The following BNC2 variants were observed in gnomAD, a reference collection of about 807,000 sequenced individuals.
BNC2 encodes the protein zinc finger protein basonuclin-2.
In BNC2, 20 loss-of-function variants were observed where a neutral mutation model predicts 76.3. The observed-to-expected ratio is 0.26, with a 90% CI of 0.18 to 0.38. The LOEUF is 0.38. Ranked by LOEUF, BNC2 falls within the 10% of genes least tolerant of loss-of-function variation. BNC2 has a pLI of 1.00. For synonymous variants in BNC2, 582 were observed against 514.8 expected (o/e 1.13, Z -1.77); for missense variants, 1,382 against 1,399.8 (o/e 0.99, Z 0.20).
At chr9:16,759,797 C>A (rs2135370141) in intron 1 of BNC2, among the ~76,000 whole-genome samples, 1 of 151,578 alleles carries the variant, frequency 6.6e-6, no homozygotes, top group South Asian at 2.1e-4. Flanking sequence ...CATCCCGGCT[C>A]ACTGCCTGCT....
chr9:16,841,477 T>A (rs1456343496), intron 1 of BNC2, among the ~76,000 whole-genome samples: 2 of 152,180 alleles, frequency 1.3e-5, no homozygotes. Flanking sequence ...TTCCTCAAAA[T>A]GTAGATATCC....
At chr9:16,490,679 C>G (rs1822259092) in intron 5 of BNC2, among the ~76,000 whole-genome samples, 1 of 152,164 alleles carries the variant, frequency 6.6e-6, no homozygotes, top group South Asian at 2.1e-4. Context: ...TTTCCTCAAT[C>G]AGGTCTTTCA....
intron 4 of BNC2, among the ~76,000 whole-genome samples, chr9:16,553,786 C>G (rs1818737441): frequency 1.3e-5 from 2 of 152,192 alleles, no homozygotes; most frequent in African/African-American, 4.8e-5. Flanking sequence ...TGAGTTACTG[C>G]ACACCCTATT....
At chr9:16,527,716 G>A (rs747176312) in intron 5 of BNC2, among the ~76,000 whole-genome samples, 7 of 152,128 alleles carry the variant, frequency 4.6e-5, no homozygotes, top group Non-Finnish European at 8.8e-5. Flanking sequence ...ATTTATAAGC[G>A]AATAGTTAAC....
At chr9:16,449,778 C>A (rs80252125) in intron 5 of BNC2, among the ~76,000 whole-genome samples, 2,756 of 121,014 alleles carry the variant, frequency 0.023, 41 homozygotes, top group Non-Finnish European at 0.031. Context: ...AGTGGAATCA[C>A]AACAATGGAA....
rs551967855 is a variant in BNC2, at chr9:16,789,331, A to C, written c.4-50846T>G. Among the ~76,000 whole-genome samples, 25 of 152,142 alleles carry C rather than the reference A, an allele frequency of 1.6e-4. 1 individual carries two copies. The highest frequency in any genetic ancestry group is 1.6e-3 in the Admixed American group (25 of 15,276). On this transcript the variant is annotated intron_variant, in intron 1 of 6. Coordinates refer to ENST00000380672, the MANE Select transcript of BNC2 (RefSeq NM_017637.6). ...GGCACTTATATCAAACACACCAAAC[A>C]ATACAATAAAATGGGTCCATTTTAC...
At position 16,574,760 on chromosome 9, in the gene BNC2, A is replaced by G. The variant is rs149728085; in HGVS notation, c.433+8223T>C. ...AGCAATAACAATACTAGCTCCTAAA[A>G]TTGTTGTGCCAGAATATTGGGCTAA... On this transcript the variant is annotated intron_variant, in intron 4 of 6. Coordinates refer to ENST00000380672, the MANE Select transcript of BNC2 (RefSeq NM_017637.6). Among the ~76,000 whole-genome samples, 1,111 of 152,304 alleles carry G rather than the reference A, an allele frequency of 7.3e-3. 15 individuals carry two copies. The highest frequency in any genetic ancestry group is 0.026 in the African/African-American group (1,068 of 41,576).
chr9:16,740,283 T>C (rs539804075), intron 1 of BNC2, among the ~76,000 whole-genome samples: 1 of 152,238 alleles, frequency 6.6e-6, no homozygotes, highest in Admixed American at 6.5e-5. Context: ...GAATAATAAA[T>C]ACCAAAATCA....
At chr9:16,700,315 G>A (rs921394230) in intron 3 of BNC2, among the ~76,000 whole-genome samples, 4 of 152,172 alleles carry the variant, frequency 2.6e-5, no homozygotes, top group East Asian at 1.9e-4. Context: ...TTGGGAAGCC[G>A]AGGGAGGAGG....
At chr9:16,422,786 AAAG>A (rs1158319906) in intron 6 of BNC2, among the ~76,000 whole-genome samples, 2 of 152,240 alleles carry the variant, frequency 1.3e-5, no homozygotes, top group African/African-American at 2.4e-5. Context: ...TTCAGTCTCC[AAAG>A]AAGGGACAAA....
chr9:16,445,083 C>A (rs1821204223), intron 5 of BNC2, among the ~76,000 whole-genome samples: 1 of 151,878 alleles, frequency 6.6e-6, no homozygotes, highest in Admixed American at 6.6e-5. Flanking sequence ...TAAAAATGGC[C>A]ACACAAAAAA....
At chr9:16,754,912 T>C (rs1467112189) in intron 1 of BNC2, among the ~76,000 whole-genome samples, 1 of 152,190 alleles carries the variant, frequency 6.6e-6, no homozygotes, top group Non-Finnish European at 1.5e-5. Context: ...CATTATTAAA[T>C]GCATCCACCC....
intron 1 of BNC2, among the ~76,000 whole-genome samples, chr9:16,810,871 C>G (rs181821186): frequency 2.0e-5 from 3 of 152,272 alleles, no homozygotes; most frequent in Non-Finnish European, 4.4e-5. Context: ...GAACTCTGAG[C>G]TGTCATATGA....
chr9:16,434,412 T>C (rs892576397), intron 6 of BNC2, among the ~76,000 whole-genome samples: 3 of 152,202 alleles, frequency 2.0e-5, no homozygotes, highest in Non-Finnish European at 4.4e-5. Flanking sequence ...GTAGAAACTT[T>C]CTAGTTAATT....
intron 5 of BNC2, among the ~76,000 whole-genome samples, chr9:16,549,992 A>T (rs1818610075): frequency 6.6e-6 from 1 of 151,950 alleles, no homozygotes; most frequent in Admixed American, 6.6e-5. Context: ...CAAAATCTAT[A>T]TTAAAATAAT....
intron 1 of BNC2, among the ~76,000 whole-genome samples, chr9:16,763,177 G>A (rs926522611): frequency 6.6e-6 from 1 of 152,172 alleles, no homozygotes. Flanking sequence ...TTAGCAAAGG[G>A]CTCCAGAGAA....
chr9:16,494,890 T>A (rs556941116), intron 5 of BNC2, among the ~76,000 whole-genome samples: 99 of 152,214 alleles, frequency 6.5e-4, no homozygotes, highest in African/African-American at 2.4e-3. Context: ...AATGATGAGT[T>A]GATGGGTGCA....
At chr9:16,627,665 A>G (rs1821037109) in intron 3 of BNC2, among the ~76,000 whole-genome samples, 1 of 152,126 alleles carries the variant, frequency 6.6e-6, no homozygotes. Context: ...TGTTCTCCTC[A>G]CACCCTGTGG....
chr9:16,672,428 C>T (rs771230097), intron 3 of BNC2, among the ~76,000 whole-genome samples: 5 of 152,028 alleles, frequency 3.3e-5, no homozygotes, highest in African/African-American at 4.8e-5. Context: ...ACCCGGGAGG[C>T]AGAGTTTGCA....
Sources: gnomAD v4.1 joint callset for allele counts (sites outside exome capture counted in the v4.1 genomes callset) on GRCh38, gnomAD v4.1.1 for gene constraint, MANE v1.5 for transcripts, NCBI Gene and HGNC (gene_info 2026-07-23, HGNC 2026-07-21) for gene names.